PCDH15: variants seen among roughly 807,000 people sequenced by gnomAD.
The protein encoded by PCDH15 is protocadherin related 15.
In PCDH15, 129 loss-of-function variants were observed where a neutral mutation model predicts 178.5. The observed-to-expected ratio is 0.72, with a 90% confidence interval of 0.63 to 0.84. The LOEUF is 0.84. PCDH15 is among the 40% of genes least tolerant of loss of function. The probability of loss-of-function intolerance (pLI) is 0.00; values close to 1 mark genes in which losing one functional copy is unlikely to be tolerated. For synonymous variants in PCDH15, 800 were observed against 732.0 expected, an observed-to-expected ratio of 1.09 and a Z score of -1.50; for missense variants, 2,230 against 2,099.9, an observed-to-expected ratio of 1.06 and a Z score of -1.21.
At chr10:53,809,506 C>G in intron 37 of PCDH15, 1 of 1,611,074 alleles carries the variant, frequency 6.2e-7, no homozygotes, top group Non-Finnish European at 8.5e-7. Context: ...ACTAGGCTCT[C>G]TAATTTCAAC....
intron 21 of PCDH15, among the ~76,000 whole-genome samples, chr10:53,965,579 T>C (rs550160033): frequency 6.6e-6 from 1 of 152,282 alleles, no homozygotes; most frequent in African/African-American, 2.4e-5. Flanking sequence ...GCAAAAGTGC[T>C]TGGCAAAGAT....
intron 2 of PCDH15, among the ~76,000 whole-genome samples, chr10:54,968,667 T>G (rs1838856705): frequency 6.6e-6 from 1 of 152,138 alleles, no homozygotes; most frequent in Non-Finnish European, 1.5e-5. Context: ...AATCTGCCCG[T>G]GTGTAGAGTC....
intron 1 of PCDH15, among the ~76,000 whole-genome samples, chr10:54,781,763 A>G (rs919487237): frequency 9.2e-5 from 14 of 152,148 alleles, no homozygotes; most frequent in Admixed American, 7.2e-4. Context: ...ACATCTTTAC[A>G]ATTTGCTTCC....
chr10:53,995,590 T>C (rs763012139), intron 21 of PCDH15, 59 bp downstream of exon 21: 7 of 1,613,052 alleles, frequency 4.3e-6, no homozygotes, highest in South Asian at 1.1e-5. Context: ...CGGTCATTTA[T>C]GAGTGTTAAG....
At position 54,499,991 on chromosome 10, in the gene PCDH15, G is replaced by A. The variant is rs555777366; in HGVS notation, c.157+27821C>T. 4.6e-5 allele frequency among the ~76,000 whole-genome samples: 7 copies of A among 152,162 alleles called. No homozygotes were observed. The South Asian group carries it at 8.3e-4, about 18-fold the overall frequency. ...ATCTTTCTACCAAAAAGACACATGC[G>A]CACATATGTTCATTGCAGCAGTATT... is the stretch of plus-strand genomic sequence containing the variant. On this transcript the variant is annotated intron_variant, in intron 3 of 37. Coordinates refer to ENST00000644397, the MANE Select transcript of PCDH15 (RefSeq NM_001384140.1).
intron 8 of PCDH15, among the ~76,000 whole-genome samples, chr10:54,293,911 G>T (rs559921221): frequency 6.6e-6 from 1 of 152,118 alleles, no homozygotes; most frequent in Non-Finnish European, 1.5e-5. Flanking sequence ...ACATTGTGGC[G>T]ATTTCTTAAG....
At chr10:55,267,148 G>A (rs1466458253) in intron 1 of PCDH15, among the ~76,000 whole-genome samples, 4 of 151,930 alleles carry the variant, frequency 2.6e-5, no homozygotes, top group Non-Finnish European at 5.9e-5. Flanking sequence ...GAGAGACAGA[G>A]GGGAGAAACA....
At chr10:54,418,755 C>T (rs1237534758) in intron 3 of PCDH15, among the ~76,000 whole-genome samples, 3 of 151,628 alleles carry the variant, frequency 2.0e-5, no homozygotes, top group African/African-American at 7.3e-5. Flanking sequence ...TGAAAAATGA[C>T]CAACATATAA....
intron 5 of PCDH15, among the ~76,000 whole-genome samples, chr10:54,364,378 G>A (rs1320590253): frequency 7.2e-5 from 11 of 151,800 alleles, no homozygotes; most frequent in Admixed American, 7.2e-4. Flanking sequence ...TTTCTAGTTT[G>A]TATTTATTGA....
intron 28 of PCDH15, among the ~76,000 whole-genome samples, chr10:53,848,237 C>A (rs2078108440): frequency 6.6e-6 from 1 of 150,432 alleles, no homozygotes; most frequent in Non-Finnish European, 1.5e-5. Context: ...TTTGACAAAA[C>A]TTCTAGGTTA....
At chr10:55,617,237 G>A (rs916422623) in intron 2 of PCDH15, among the ~76,000 whole-genome samples, 1 of 152,062 alleles carries the variant, frequency 6.6e-6, no homozygotes, top group Non-Finnish European at 1.5e-5. Context: ...GAGTGTGTGG[G>A]AGAGCAGAGA....
At chr10:55,319,325 A>ATG (rs1001632670) in intron 1 of PCDH15, among the ~76,000 whole-genome samples, 1 of 152,184 alleles carries the variant, frequency 6.6e-6, no homozygotes, top group African/African-American at 2.4e-5. Context: ...AAGTATATAA[A>ATG]TGTGTGTGTG....
intron 2 of PCDH15, among the ~76,000 whole-genome samples, chr10:55,376,745 C>T (rs950302731): frequency 3.3e-5 from 5 of 152,076 alleles, no homozygotes; most frequent in Middle Eastern, 3.4e-3. Flanking sequence ...CACCTATAAG[C>T]GGATTTTTCA....
Position 53,963,647 on chromosome 10 carries a change from T to C in PCDH15, c.2869-1755A>G, listed in dbSNP as rs529141617. Among the ~76,000 whole-genome samples the C allele has an allele frequency of 1.9e-3, 288 of 152,254 alleles. 1 individual carries two copies. Among genetic ancestry groups the C allele is most frequent in the African/African-American group, 6.2e-3 (256 of 41,552 alleles). On this transcript the variant is annotated intron_variant, in intron 21 of 37. Coordinates refer to ENST00000644397, the MANE Select transcript of PCDH15 (RefSeq NM_001384140.1). ...ATAAATGTATTCAAAACCAGAATGATTTCATCTCCCAAATTTATAACTCTT... is the reference window on the plus strand; with the variant it reads ...ATAAATGTATTCAAAACCAGAATGACTTCATCTCCCAAATTTATAACTCTT...
At chr10:54,334,342 T>C (rs1300444149) in intron 6 of PCDH15, among the ~76,000 whole-genome samples, 2 of 152,080 alleles carry the variant, frequency 1.3e-5, no homozygotes, top group African/African-American at 4.8e-5. Context: ...CATTCAATAA[T>C]GGAGAGAGAA....
At chr10:55,339,618 T>C (rs572030706) in intron 2 of PCDH15, among the ~76,000 whole-genome samples, 1 of 152,144 alleles carries the variant, frequency 6.6e-6, no homozygotes, top group East Asian at 1.9e-4. Flanking sequence ...AAAAATAACA[T>C]TGAGAAATTA....
chr10:54,352,372 T>C (rs1944316164), intron 5 of PCDH15, among the ~76,000 whole-genome samples: 1 of 152,150 alleles, frequency 6.6e-6, no homozygotes, highest in African/African-American at 2.4e-5. Context: ...ATTATTCAAT[T>C]TGGAAACTTG....
At chr10:54,362,592 A>G (rs564700173) in intron 5 of PCDH15, among the ~76,000 whole-genome samples, 1 of 152,186 alleles carries the variant, frequency 6.6e-6, no homozygotes, top group South Asian at 2.1e-4. Flanking sequence ...ATTAAACACA[A>G]ATTCATTAAG....
chr10:55,350,264 TATATACAC>T (rs1408128935), intron 2 of PCDH15, among the ~76,000 whole-genome samples: 1,356 of 62,622 alleles, frequency 0.022, 7 homozygotes, highest in Non-Finnish European at 0.026. Flanking sequence ...TATATATATA[TATATACAC>T]ACACACACAC....
Sources: gnomAD v4.1 joint callset for allele counts (sites outside exome capture counted in the v4.1 genomes callset) on GRCh38, gnomAD v4.1.1 for gene constraint, MANE v1.5 for transcripts, NCBI Gene and HGNC (gene_info 2026-07-23, HGNC 2026-07-21) for gene names.